Variants in ATXN7L1 observed in about 807,000 individuals in gnomAD.
The protein encoded by ATXN7L1 is ataxin 7 like 1, also known as ataxin-7-like protein 1.
In ATXN7L1, 15 loss-of-function variants were observed where a neutral mutation model predicts 70.8. That is an observed-to-expected ratio of 0.21 (90% CI 0.14 to 0.33). The LOEUF (loss-of-function observed/expected upper bound fraction) is 0.33, where lower values mean the gene tolerates loss of function less well. ATXN7L1 is among the 10% of genes least tolerant of loss of function. The pLI, the probability that ATXN7L1 is intolerant of heterozygous loss-of-function variation, is 1.00. For missense variants in ATXN7L1, 975 were observed against 1,097.1 expected, an observed-to-expected ratio of 0.89 and a Z score of 1.57; for synonymous variants, 440 against 445.1, an observed-to-expected ratio of 0.99 and a Z score of 0.14.
At chr7:105,753,236 T>C (rs990908992) in intron 3 of ATXN7L1, among the ~76,000 whole-genome samples, 1 of 152,246 alleles carries the variant, frequency 6.6e-6, no homozygotes, top group Non-Finnish European at 1.5e-5. Flanking sequence ...GAAAGAGCTC[T>C]GGTGCAAGTT....
chr7:105,737,571 A>C (rs1797539572), intron 3 of ATXN7L1, among the ~76,000 whole-genome samples: 1 of 131,104 alleles, frequency 7.6e-6, no homozygotes, highest in Non-Finnish European at 1.6e-5. Context: ...GTGTGTGTTA[A>C]GAATTAGCCT....
intron 3 of ATXN7L1, among the ~76,000 whole-genome samples, chr7:105,683,311 T>C (rs942054851): frequency 2.6e-5 from 4 of 152,232 alleles, no homozygotes; most frequent in Admixed American, 6.5e-5. Flanking sequence ...ATACTGAAGA[T>C]AGACTGGTTG....
At chr7:105,684,084 G>C (rs1805876584) in intron 3 of ATXN7L1, among the ~76,000 whole-genome samples, 1 of 152,212 alleles carries the variant, frequency 6.6e-6, no homozygotes, top group South Asian at 2.1e-4. Flanking sequence ...CAGTGTGCCA[G>C]ATAAGCGGTG....
At chr7:105,808,637 A>C (rs114247053) in intron 2 of ATXN7L1, among the ~76,000 whole-genome samples, 1,761 of 152,340 alleles carry the variant, frequency 0.012, 36 homozygotes, top group African/African-American at 0.041. Flanking sequence ...AAAACAAAAA[A>C]CTGCTAGGAT....
intron 2 of ATXN7L1, among the ~76,000 whole-genome samples, chr7:105,825,678 C>T (rs1482462971): frequency 6.6e-6 from 1 of 151,570 alleles, no homozygotes; most frequent in Non-Finnish European, 1.5e-5. Flanking sequence ...AGTATAGATG[C>T]CTCTCACTAT....
intron 3 of ATXN7L1, among the ~76,000 whole-genome samples, chr7:105,786,383 C>T (rs942335654): frequency 6.6e-6 from 1 of 152,184 alleles, no homozygotes; most frequent in Non-Finnish European, 1.5e-5. Context: ...CCTCCCTTGG[C>T]AATCTGGGAC....
At chr7:105,851,445 A>AGTCC (rs1554482578) in intron 2 of ATXN7L1, among the ~76,000 whole-genome samples, 41 of 152,172 alleles carry the variant, frequency 2.7e-4, no homozygotes, top group Admixed American at 2.7e-3. Flanking sequence ...TATCTCTGTC[A>AGTCC]GTCTATCTCC....
chr7:105,767,819 C>A (rs528148863), intron 3 of ATXN7L1, among the ~76,000 whole-genome samples: 7 of 152,342 alleles, frequency 4.6e-5, no homozygotes, highest in East Asian at 1.9e-4. Flanking sequence ...TGAAACCCAG[C>A]AGCTGCAGCC....
intron 7 of ATXN7L1, among the ~76,000 whole-genome samples, chr7:105,636,105 A>ACT (rs1329473151): frequency 6.6e-6 from 1 of 151,980 alleles, no homozygotes; most frequent in East Asian, 1.9e-4. Flanking sequence ...CTCAAAGATG[A>ACT]CTCTGTGGGC....
chr7:105,770,817 T>C (rs1401621195), intron 3 of ATXN7L1, among the ~76,000 whole-genome samples: 1 of 152,168 alleles, frequency 6.6e-6, no homozygotes, highest in Non-Finnish European at 1.5e-5. Context: ...GAAACTTAAA[T>C]TTCCTAGCTA....
chr7:105,775,833 C>T (rs2116450978), intron 3 of ATXN7L1, among the ~76,000 whole-genome samples: 1 of 152,222 alleles, frequency 6.6e-6, no homozygotes, highest in Non-Finnish European at 1.5e-5. Context: ...TGGATGAGGG[C>T]GATGTGACTC....
intron 3 of ATXN7L1, among the ~76,000 whole-genome samples, chr7:105,735,165 C>CT (rs1343034481): frequency 2.6e-5 from 4 of 152,184 alleles, no homozygotes; most frequent in Non-Finnish European, 5.9e-5. Context: ...ACTAGATCCC[C>CT]TTGACCTGGG....
chr7:105,800,281 C>T (rs1385269924), intron 2 of ATXN7L1, among the ~76,000 whole-genome samples: 1 of 152,214 alleles, frequency 6.6e-6, no homozygotes, highest in African/African-American at 2.4e-5. Flanking sequence ...TTCCCAGCTT[C>T]AGTTTCCACC....
At position 105,614,691 on chromosome 7, in the gene ATXN7L1, A is replaced by C; in HGVS notation, c.1643T>G (p.Ile548Ser). Residue 548 changes from isoleucine (I) to serine (S), a missense_variant, in exon 10 of 12, where the codon ATC becomes AGC. Physicochemically the swap from Ile to Ser is moderately radical, Grantham distance 142. Coordinates refer to ENST00000419735, the MANE Select transcript of ATXN7L1 (RefSeq NM_020725.2). The surrounding 1 kb of genome is among the most constrained non-coding windows in gnomAD (Gnocchi z 4.3). ...PSAVYLPSAPISSRLTSSYIM... is the reference protein window; with the variant it reads ...PSAVYLPSAPSSSRLTSSYIM... ...GTAAGAAGAGGTGAGCCTCGAGCTG[A>C]TGGGAGCTGAAGGAAGATACACAGC... 1 of 1,551,708 alleles carries C rather than the reference A, an allele frequency of 6.4e-7. No homozygotes were observed. Among genetic ancestry groups the C allele is most frequent in the Non-Finnish European group, 8.7e-7 (1 of 1,147,018 alleles).
intron 3 of ATXN7L1, 150 bp downstream of exon 3, chr7:105,788,454 T>G (rs945653277): frequency 7.8e-6 from 5 of 640,394 alleles, no homozygotes; most frequent in Non-Finnish European, 8.3e-6. Flanking sequence ...TAAAACAGCC[T>G]GCGAGCAGAG....
rs1248256962 is a variant in ATXN7L1, at chr7:105,875,815, C to G, written c.247G>C (p.Glu83Gln). The change falls in exon 2 of 12, where the codon GAA (glutamate) becomes CAA (glutamine). Residue 83 changes from glutamate (E) to glutamine (Q), a missense_variant. Physicochemically the swap from Glu to Gln is conservative, Grantham distance 29 (BLOSUM62 2). Around this residue, in one of 5 missense-constraint regions of ATXN7L1, gnomAD observed 135 missense variants for 132.6 expected, o/e 1.02. Transcript: ENST00000419735. Reference sequence around the variant, plus strand: ...AAATGCCAGTAGCTCCACTTACCTTCTTTATTAAGCCTCATAACCTCCCTG... The same window carrying G: ...AAATGCCAGTAGCTCCACTTACCTTGTTTATTAAGCCTCATAACCTCCCTG... ...KSREVMRLNK[E>Q]DMHLFGHYPA... is the part of the protein sequence containing the mutation. The G allele has an allele frequency of 3.7e-6, 6 of 1,612,952 alleles. No individual in the cohort carries two copies. Among genetic ancestry groups the G allele is most frequent in the Non-Finnish European group, 5.1e-6 (6 of 1,179,146 alleles).
intron 3 of ATXN7L1, among the ~76,000 whole-genome samples, chr7:105,724,293 G>T (rs999530646): frequency 2.0e-5 from 3 of 152,258 alleles, no homozygotes; most frequent in Non-Finnish European, 2.9e-5. Flanking sequence ...GGAAATTAGG[G>T]CCGGGCGCAG....
intron 3 of ATXN7L1, among the ~76,000 whole-genome samples, chr7:105,680,874 C>T (rs1358558063): frequency 6.6e-6 from 1 of 152,192 alleles, no homozygotes; most frequent in Admixed American, 6.5e-5. Flanking sequence ...GAGATGGGAA[C>T]AGCTACTCTT....
chr7:105,775,728 C>A lies in ATXN7L1; in HGVS notation c.355+12876G>T, dbSNP rs369737784. On this transcript the variant is annotated intron_variant, in intron 3 of 11. Transcript: ENST00000419735. ...AAACATCTTTGTTTCTTTGCTCAGA[C>A]ACCAGACGAAAGGGTGAGCTAGTGT... Among the ~76,000 whole-genome samples, 9 of 152,174 alleles carry A rather than the reference C, an allele frequency of 5.9e-5. No homozygotes were observed. The East Asian group carries it at 1.3e-3, about 23-fold the overall frequency.
Sources: allele counts gnomAD v4.1 joint callset (sites outside exome capture counted in the v4.1 genomes callset), GRCh38; gene constraint gnomAD v4.1.1; regional missense constraint gnomAD v4.1.1; non-coding constraint Gnocchi (gnomAD v3.1); transcripts MANE v1.5; gene names NCBI Gene and HGNC (gene_info 2026-07-23, HGNC 2026-07-21).